CLIP1: variants seen among roughly 807,000 people sequenced by gnomAD.
CLIP1 encodes CAP-Gly domain containing linker protein 1.
CLIP1 carries 66 observed loss-of-function variants against 161.6 expected under a neutral mutation model. That is an observed-to-expected ratio of 0.41 (90% CI 0.33 to 0.50). The LOEUF is 0.50. Ranked by LOEUF, CLIP1 falls within the 20% of genes least tolerant of loss-of-function variation. CLIP1 has a pLI of 0.27. For missense variants in CLIP1, 1,376 were observed against 1,702.0 expected, an observed-to-expected ratio of 0.81 and a Z score of 3.37; for synonymous variants, 598 against 626.2, an observed-to-expected ratio of 0.96 and a Z score of 0.67.
chr12:122,333,514 A>C (rs1952081550), intron 14 of CLIP1, among the ~76,000 whole-genome samples: 1 of 152,170 alleles, frequency 6.6e-6, no homozygotes, highest in South Asian at 2.1e-4. Context: ...AAGGAGGCTG[A>C]AGTGGTTGGA....
chr12:122,286,520 T>TAAAAAAA (rs57260606), intron 21 of CLIP1, among the ~76,000 whole-genome samples: 1 of 28,244 alleles, frequency 3.5e-5, no homozygotes, highest in African/African-American at 1.1e-4. Context: ...GACTCTGTCT[T>TAAAAAAA]AAAAAAAAAA....
chr12:122,360,562 T>TA (rs1283858200), intron 5 of CLIP1, among the ~76,000 whole-genome samples: 2 of 149,616 alleles, frequency 1.3e-5, no homozygotes, highest in East Asian at 2.0e-4. Flanking sequence ...AAAGAAAAAA[T>TA]AAAAAAAAGA....
chr12:122,294,293 C>A (rs113628594), intron 20 of CLIP1, among the ~76,000 whole-genome samples: 1 of 139,078 alleles, frequency 7.2e-6, no homozygotes, highest in African/African-American at 2.6e-5. Flanking sequence ...GGCGCCACTG[C>A]ACTCCAGCCT....
intron 24 of CLIP1, 42 bp from the exon 25 acceptor site, chr12:122,274,204 A>G: frequency 6.5e-7 from 1 of 1,531,050 alleles, no homozygotes; most frequent in Non-Finnish European, 9.0e-7. Flanking sequence ...TCAAGAATAT[A>G]TATAAGCTGG....
chr12:122,326,571 T>G (rs1951719768), intron 17 of CLIP1, among the ~76,000 whole-genome samples: 1 of 151,896 alleles, frequency 6.6e-6, no homozygotes, highest in African/African-American at 2.4e-5. Flanking sequence ...CTCAGCTACT[T>G]GGGAAGCTGA....
At chr12:122,288,863 T>C (rs981593173) in intron 20 of CLIP1, among the ~76,000 whole-genome samples, 1 of 145,720 alleles carries the variant, frequency 6.9e-6, no homozygotes, top group South Asian at 2.2e-4. Flanking sequence ...TCGCCCAGGC[T>C]GGAGTGCAGT....
At chr12:122,336,253 G>A (rs1398181884) in intron 12 of CLIP1, among the ~76,000 whole-genome samples, 1 of 151,964 alleles carries the variant, frequency 6.6e-6, no homozygotes, top group Non-Finnish European at 1.5e-5. Context: ...CTACTGCCCT[G>A]ATAATCACAG....
Position 122,361,009 on chromosome 12 carries a change from T to C in CLIP1, c.955A>G (p.Met319Val), listed in dbSNP as rs755829358. The C allele has an allele frequency of 4.3e-6, 7 of 1,614,108 alleles. No individual in the cohort carries two copies. The highest frequency in any genetic ancestry group is 5.9e-6 in the Non-Finnish European group (7 of 1,180,016). ...RSPSASSLSS[M>V]SSVASSVSSR... is the part of the protein sequence containing the mutation. ...CTCACAGAGGAGGCCACTGAGCTCA[T>C]GGAGCTGAGGGAAGAGGCAGAAGGG... The change falls in exon 5 of 26, where the codon ATG becomes GTG. Residue 319 changes from methionine to valine, a missense_variant. Met to Val is a conservative substitution (Grantham distance 21). Around this residue, in one of 6 missense-constraint regions of CLIP1, gnomAD observed 211 missense variants for 295.1 expected, o/e 0.72. Coordinates refer to ENST00000620786, the MANE Select transcript of CLIP1 (RefSeq NM_001247997.2).
At chr12:122,375,321 T>TC (rs1277572151) in intron 3 of CLIP1, among the ~76,000 whole-genome samples, 1 of 152,010 alleles carries the variant, frequency 6.6e-6, no homozygotes, top group African/African-American at 2.4e-5. Flanking sequence ...AATTCTTTTT[T>TC]TTTTTTTTTC....
At chr12:122,398,514 G>A (rs1259706150) in intron 1 of CLIP1, among the ~76,000 whole-genome samples, 3 of 151,656 alleles carry the variant, frequency 2.0e-5, no homozygotes, top group Non-Finnish European at 2.9e-5. Flanking sequence ...AATAATTAAA[G>A]TACTATATTT....
intron 3 of CLIP1, among the ~76,000 whole-genome samples, chr12:122,366,805 T>C (rs1462940251): frequency 6.6e-6 from 1 of 152,102 alleles, no homozygotes; most frequent in Non-Finnish European, 1.5e-5. Context: ...TGTGCCAATG[T>C]ACTCCAGCCT....
Position 122,355,362 on chromosome 12 carries a change from C to T in CLIP1, c.1006-50G>A, listed in dbSNP as rs3817012. On this transcript the variant is annotated intron_variant, in intron 5 of 25. Coordinates refer to ENST00000620786, the MANE Select transcript of CLIP1 (RefSeq NM_001247997.2). The surrounding 1 kb of genome is among the most constrained non-coding windows in gnomAD (Gnocchi z 4.1). ...AAGGGCGATGATGCTGTCAGAAAAG[C>T]GAGGGAGGCGCGATGCATGCATGGC... 0.12 allele frequency: 184,122 copies of T among 1,547,260 alleles called. 14,646 individuals are homozygous for T. The highest frequency in any genetic ancestry group is 0.47 in the East Asian group (20,645 of 44,110).
intron 20 of CLIP1, among the ~76,000 whole-genome samples, chr12:122,305,822 C>G (rs974370953): frequency 1.3e-5 from 2 of 151,894 alleles, no homozygotes; most frequent in African/African-American, 4.8e-5. Flanking sequence ...AATCCCAGCA[C>G]TTTGGGAGGC....
Position 122,401,735 on chromosome 12 carries a change from A to C in CLIP1, c.-107+20786T>G, listed in dbSNP as rs1437959584. Among the ~76,000 whole-genome samples the C allele has an allele frequency of 8.0e-5, 12 of 150,004 alleles. No homozygotes were observed. In the East Asian group the frequency reaches 2.4e-3, roughly 30 times the overall value. On this transcript the variant is annotated intron_variant, in intron 1 of 25. Transcript: ENST00000620786. ...TGATCTCGGCTGGGCATGCTGGCTC[A>C]TGCCTGTAATCCCAGCACTTTGGGA...
intron 1 of CLIP1, among the ~76,000 whole-genome samples, chr12:122,381,512 A>T (rs1430658397): frequency 6.6e-6 from 1 of 152,230 alleles, no homozygotes; most frequent in Non-Finnish European, 1.5e-5. Context: ...CTCCATAGAA[A>T]GTGAATTGAA....
At chr12:122,405,872 C>T (rs1243767751) in intron 1 of CLIP1, among the ~76,000 whole-genome samples, 2 of 152,064 alleles carry the variant, frequency 1.3e-5, no homozygotes, top group East Asian at 1.9e-4. Flanking sequence ...CGTTCAAGAC[C>T]AGCCTGGCCA....
intron 1 of CLIP1, among the ~76,000 whole-genome samples, chr12:122,398,768 G>A (rs528840245): frequency 5.4e-4 from 82 of 151,932 alleles, no homozygotes; most frequent in African/African-American, 1.8e-3. Flanking sequence ...CAGCTACTTC[G>A]GAGACTGAGG....
chr12:122,397,027 C>T (rs1955938766), intron 1 of CLIP1, among the ~76,000 whole-genome samples: 2 of 144,128 alleles, frequency 1.4e-5, no homozygotes, highest in Non-Finnish European at 3.0e-5. Flanking sequence ...GATCCACCAA[C>T]CTTGGCCTCC....
chr12:122,391,021 G>A (rs1177992079), intron 1 of CLIP1, among the ~76,000 whole-genome samples: 1 of 152,080 alleles, frequency 6.6e-6, no homozygotes, highest in East Asian at 1.9e-4. Context: ...CGGTGTGGTG[G>A]CTCACACTTG....
Sources: gnomAD v4.1 joint callset for allele counts (sites outside exome capture counted in the v4.1 genomes callset) on GRCh38, gnomAD v4.1.1 for gene constraint, gnomAD v4.1.1 regional missense constraint, Gnocchi (gnomAD v3.1) non-coding constraint, MANE v1.5 for transcripts, NCBI Gene and HGNC (gene_info 2026-07-23, HGNC 2026-07-21) for gene names.